Variants in ZNF592 observed in about 807,000 individuals in gnomAD.
ZNF592 encodes the protein spinocerebellar ataxia, autosomal recessive 5.
In ZNF592, 11 loss-of-function variants were observed where a neutral mutation model predicts 80.3. The ratio of observed to expected loss-of-function variants is 0.14; its 90% CI spans 0.09 to 0.23. ZNF592 has a LOEUF of 0.23. Ranked by LOEUF, ZNF592 falls within the 10% of genes least tolerant of loss-of-function variation. The pLI, the probability that ZNF592 is intolerant of heterozygous loss-of-function variation, is 1.00. For missense variants in ZNF592, 1,420 were observed against 1,633.9 expected (o/e 0.87, Z 2.26); for synonymous variants, 646 against 640.3 (o/e 1.01, Z -0.13).
Position 84,799,005 on chromosome 15 carries a change from T to C in ZNF592, c.3025-93T>C. The C allele has an allele frequency of 6.3e-7, 1 of 1,590,086 alleles. No individual in the cohort carries two copies. Among genetic ancestry groups the C allele is most frequent in the Non-Finnish European group, 8.6e-7 (1 of 1,159,096 alleles). The stretch of plus-strand genomic sequence containing the variant: ...ACAGATCTTGAGGTCTTCGGGAGTA[T>C]CCTCCTTTCTGCCCATGGCATCTGA... On this transcript the variant is annotated intron_variant, in intron 8 of 10. Coordinates refer to ENST00000560079, the MANE Select transcript of ZNF592 (RefSeq NM_014630.3). This position sits in a 1 kb window ranked among gnomAD's most constrained non-coding sequence, Gnocchi z 4.2.
At chr15:84,778,686 C>A (rs916123829) in intron 3 of ZNF592, among the ~76,000 whole-genome samples, 9 of 152,150 alleles carry the variant, frequency 5.9e-5, no homozygotes, top group Non-Finnish European at 1.0e-4. Context: ...ACATTTCCCC[C>A]TGTGGAGATG....
chr15:84,758,776 G>C (rs1322186715), intron 1 of ZNF592, among the ~76,000 whole-genome samples: 1 of 142,144 alleles, frequency 7.0e-6, no homozygotes, highest in African/African-American at 2.6e-5. Flanking sequence ...AAAAAAAAAA[G>C]CTGGGCATAG....
intron 1 of ZNF592, among the ~76,000 whole-genome samples, chr15:84,756,478 G>A (rs1899173207): frequency 2.0e-5 from 3 of 152,226 alleles, no homozygotes; most frequent in African/African-American, 7.2e-5. Context: ...AGCCATCTCA[G>A]GGACATTGTA....
At chr15:84,796,340 A>C (rs896447867) in intron 5 of ZNF592, among the ~76,000 whole-genome samples, 1 of 146,924 alleles carries the variant, frequency 6.8e-6, no homozygotes, top group Admixed American at 6.8e-5. Flanking sequence ...TTCTTAAATG[A>C]AGGCACGCCT....
At chr15:84,794,289 T>C (rs1410693806) in intron 5 of ZNF592, among the ~76,000 whole-genome samples, 1 of 152,200 alleles carries the variant, frequency 6.6e-6, no homozygotes, top group Non-Finnish European at 1.5e-5. Context: ...TTTGAGAAAC[T>C]GTCAGACTAT....
rs373771190 is a variant in ZNF592 at position 84,760,465 on chromosome 15, G to A, written c.-258-4242G>A. Among the ~76,000 whole-genome samples, 35 of 152,312 alleles carry A rather than the reference G, an allele frequency of 2.3e-4. No individual in the cohort carries two copies. In the East Asian group the frequency reaches 4.6e-3, roughly 20 times the overall value. Reference sequence around the variant, plus strand: ...GTATGACTTTTATGAATCTGTCTCTGTATGTCTGTCTCCTTCCAGTGGATT... The same window carrying A: ...GTATGACTTTTATGAATCTGTCTCTATATGTCTGTCTCCTTCCAGTGGATT... On this transcript the variant is annotated intron_variant, in intron 1 of 10. Transcript: ENST00000560079.
In ZNF592 at chr15:84,751,902, C is replaced by T. The variant is rs570275900; in HGVS notation, c.-259+3238C>T. ...CCTGGGTGACAGAGCGAGACTCCAT[C>T]TCAAAAAACAAACAAACGAAAACAA... On this transcript the variant is annotated intron_variant, in intron 1 of 10. Transcript: ENST00000560079. Among the ~76,000 whole-genome samples, 206 of 152,124 alleles carry T rather than the reference C, an allele frequency of 1.4e-3. 1 individual carries two copies. The highest frequency in any genetic ancestry group is 3.1e-3 in the South Asian group (15 of 4,808).
intron 1 of ZNF592, among the ~76,000 whole-genome samples, chr15:84,750,598 T>C (rs1171257948): frequency 6.6e-6 from 1 of 152,166 alleles, no homozygotes; most frequent in Non-Finnish European, 1.5e-5. Context: ...AGAAGGTGTC[T>C]TTCGAGTAAA....
Position 84,784,213 on chromosome 15 carries a change from A to G in ZNF592, c.1538A>G (p.His513Arg), listed in dbSNP as rs1265838637. Residue 513 changes from histidine (H) to arginine (R), a missense_variant, in exon 4 of 11, where the codon CAC (histidine) becomes CGC (arginine). Coordinates refer to ENST00000560079, the MANE Select transcript of ZNF592 (RefSeq NM_014630.3). The surrounding 1 kb of genome is among the most constrained non-coding windows in gnomAD (Gnocchi z 5.8). ...VHLANLNLVP[H>R]SVAASVTAKS... ...TTGGCCAACCTGAACCTCGTCCCCC[A>G]CAGTGTTGCTGCATCAGTGACAGCC... 1 of 1,614,192 alleles carries G rather than the reference A, an allele frequency of 6.2e-7. No homozygotes were observed. Among genetic ancestry groups the G allele is most frequent in the Non-Finnish European group, 8.5e-7 (1 of 1,180,024 alleles).
At position 84,783,465 on chromosome 15, in the gene ZNF592, A is replaced by G; in HGVS notation, c.790A>G (p.Thr264Ala). 1 of 1,614,168 alleles carries G rather than the reference A, an allele frequency of 6.2e-7. No homozygotes were observed. The highest frequency in any genetic ancestry group is 8.5e-7 in the Non-Finnish European group (1 of 1,180,026). The change falls in exon 4 of 11, where the codon ACC (threonine) becomes GCC (alanine). Residue 264 changes from threonine to alanine, a missense_variant. By Grantham distance (58) the Thr-to-Ala change is moderately conservative. This residue lies in a region of ZNF592 where 373 missense variants were observed against 355.5 expected (regional missense o/e 1.05). Transcript: ENST00000560079. The surrounding 1 kb of genome is among the most constrained non-coding windows in gnomAD (Gnocchi z 5.0). ...ESKGLARELG[T>A]CSSVPPRQRL... is the part of the protein sequence containing the mutation. ...CAAGGGGCTTGCCCGGGAGCTTGGT[A>G]CCTGCTCATCAGTCCCCCCTAGGCA...
In ZNF592 at chr15:84,799,778, T is replaced by G. The variant is rs1963037764; in HGVS notation, c.3138-64T>G. 1.9e-6 allele frequency: 3 copies of G among 1,607,978 alleles called. No homozygotes were observed. Among genetic ancestry groups the G allele is most frequent in the Non-Finnish European group, 2.5e-6 (3 of 1,179,394 alleles). On this transcript the variant is annotated intron_variant, in intron 9 of 10. Transcript: ENST00000560079. The surrounding 1 kb of genome is among the most constrained non-coding windows in gnomAD (Gnocchi z 4.2). Reference sequence around the variant, plus strand: ...GACTCCCTCCTTCCTGGCCTTGGTGTGAATAGCACTGAGGGAGCCTGCGGC... The same window carrying G: ...GACTCCCTCCTTCCTGGCCTTGGTGGGAATAGCACTGAGGGAGCCTGCGGC...
chr15:84,790,967 G>T (rs1962730590), intron 5 of ZNF592, 84 bp downstream of exon 5: 1 of 1,559,772 alleles, frequency 6.4e-7, no homozygotes, highest in Middle Eastern at 2.1e-4. Context: ...GATAGTTTTG[G>T]TCTTAAGAGG....
At position 84,782,772 on chromosome 15, in the gene ZNF592, C is replaced by T. The variant is rs1257367745; in HGVS notation, c.97C>T (p.Pro33Ser). The T allele has an allele frequency of 6.2e-7, 1 of 1,614,104 alleles. No individual in the cohort carries two copies. The highest frequency in any genetic ancestry group is 8.5e-7 in the Non-Finnish European group (1 of 1,180,020). ...SLDAKEAIQT[P>S]SEENESPLKP... ...TGATGCCAAGGAGGCCATCCAGACA[C>T]CCAGTGAGGAGAATGAGAGTCCCCT... Residue 33 changes from proline (P) to serine (S), a missense_variant, in exon 4 of 11, where the codon CCC becomes TCC. Around this residue, in one of 7 missense-constraint regions of ZNF592, gnomAD observed 373 missense variants for 355.5 expected, o/e 1.05. Transcript: ENST00000560079.
chr15:84,757,937 C>T (rs1426675471), intron 1 of ZNF592, among the ~76,000 whole-genome samples: 6 of 151,508 alleles, frequency 4.0e-5, no homozygotes, highest in Non-Finnish European at 8.8e-5. Context: ...GCTAGGATTA[C>T]AGGCGTGAGC....
chr15:84,768,394 C>G (rs1371037221), intron 2 of ZNF592, among the ~76,000 whole-genome samples: 4 of 151,724 alleles, frequency 2.6e-5, no homozygotes, highest in African/African-American at 9.7e-5. Context: ...TGCACCACCA[C>G]ACCTGGCTAA....
At chr15:84,765,537 T>G (rs1422655518) in intron 2 of ZNF592, among the ~76,000 whole-genome samples, 1 of 134,242 alleles carries the variant, frequency 7.4e-6, no homozygotes, top group Non-Finnish European at 1.6e-5. Context: ...TTATTATTGT[T>G]TTTTTTTTTT....
chr15:84,773,284 T>G (rs1043761779), intron 2 of ZNF592, among the ~76,000 whole-genome samples: 1 of 150,348 alleles, frequency 6.7e-6, no homozygotes, highest in Non-Finnish European at 1.5e-5. Flanking sequence ...CGATCTCGGC[T>G]CACTGCAAGC....
chr15:84,781,585 C>T (rs1008699624), intron 3 of ZNF592, among the ~76,000 whole-genome samples: 2 of 152,180 alleles, frequency 1.3e-5, no homozygotes, highest in Non-Finnish European at 2.9e-5. Context: ...AGCTACCATA[C>T]TGCTTTCTGA....
At chr15:84,789,421 T>C (rs967701871) in intron 4 of ZNF592, among the ~76,000 whole-genome samples, 11 of 152,186 alleles carry the variant, frequency 7.2e-5, no homozygotes, top group Non-Finnish European at 1.2e-4. Context: ...CTTTGAGACC[T>C]TGCTTTTAAG....
Sources: allele counts gnomAD v4.1 joint callset (sites outside exome capture counted in the v4.1 genomes callset), GRCh38; gene constraint gnomAD v4.1.1; regional missense constraint gnomAD v4.1.1; non-coding constraint Gnocchi (gnomAD v3.1); transcripts MANE v1.5; gene names NCBI Gene and HGNC (gene_info 2026-07-23, HGNC 2026-07-21).